The following PDCD4 variants were observed in gnomAD, a reference collection of about 807,000 sequenced individuals.
PDCD4 encodes programmed cell death protein 4.
Under a neutral mutation model 54.0 loss-of-function variants are expected in PDCD4, and 56 were observed. The ratio of observed to expected loss-of-function variants is 1.04; its 90% CI spans 0.84 to 1.30. The LOEUF (loss-of-function observed/expected upper bound fraction) is 1.30, where lower values mean the gene tolerates loss of function less well. PDCD4 is among the 50% of genes most tolerant of loss of function. The pLI, the probability that PDCD4 is intolerant of heterozygous loss-of-function variation, is 0.00. For synonymous variants in PDCD4, 186 were observed against 194.8 expected (o/e 0.95, Z 0.37); for missense variants, 584 against 559.8 (o/e 1.04, Z -0.44).
In PDCD4 at chr10:110,887,852, C is replaced by T. The variant is rs777743234; in HGVS notation, c.743C>T (p.Pro248Leu). 11 of 1,612,684 alleles carry T rather than the reference C, an allele frequency of 6.8e-6. No individual in the cohort carries two copies. In the South Asian group the frequency reaches 1.2e-4, roughly 18 times the overall value. ...KSFDKLLKDLPELALDTPRAP... is the reference protein window; with the variant it reads ...KSFDKLLKDLLELALDTPRAP... ...TTTGATAAATTGTTGAAAGATCTAC[C>T]TGAATTAGCACTGGATACTCCTAGA... The change falls in exon 6 of 12, where the codon CCT (proline) becomes CTT (leucine). Residue 248 changes from proline to leucine, a missense_variant. Transcript: ENST00000280154.
chr10:110,888,848 A>G (rs1043856046), intron 6 of PDCD4, among the ~76,000 whole-genome samples: 4 of 152,232 alleles, frequency 2.6e-5, no homozygotes, highest in African/African-American at 7.2e-5. Context: ...CATACTTTCA[A>G]CTATTTCTAT....
intron 7 of PDCD4, 35 bp downstream of exon 7, chr10:110,889,665 A>G: frequency 8.7e-7 from 1 of 1,153,072 alleles, no homozygotes; most frequent in Non-Finnish European, 1.3e-6. Flanking sequence ...AGAATTTCAA[A>G]ATAGGGGAAA....
At position 110,887,905 on chromosome 10, in the gene PDCD4, T is replaced by G; in HGVS notation, c.777+19T>G. ...ACCACAGGTTTGTATGATTCTTCTT[T>G]TTGTTCATTCCCTCCCACTACTATA... is the stretch of plus-strand genomic sequence containing the variant. On this transcript the variant is annotated intron_variant, in intron 6 of 11. Coordinates refer to ENST00000280154, the MANE Select transcript of PDCD4 (RefSeq NM_014456.5). 6.7e-7 allele frequency: 1 copy of G among 1,487,698 alleles called. No individual in the cohort carries two copies. Among genetic ancestry groups the G allele is most frequent in the Non-Finnish European group, 9.4e-7 (1 of 1,066,130 alleles). 92.2% of individuals were successfully genotyped at this position (1,487,698 alleles called of 1,614,324 possible).
At position 110,896,091 on chromosome 10, in the gene PDCD4, C is replaced by CT. The variant is rs1471832149; in HGVS notation, c.1349+7dup. 1 of 1,585,160 alleles carries CT rather than the reference C, an allele frequency of 6.3e-7. No individual in the cohort carries two copies. The highest frequency in any genetic ancestry group is 8.6e-7 in the Non-Finnish European group (1 of 1,166,396). The stretch of plus-strand genomic sequence containing the variant: ...TCAGAGATCTTTGTCCTTCAAGGTA[C>CT]TTTATTTAAATACTACTTTCTCAAT... On this transcript the variant is annotated splice_donor_region_variant and intron_variant, in intron 11 of 11. Coordinates refer to ENST00000280154, the MANE Select transcript of PDCD4 (RefSeq NM_014456.5).
intron 2 of PDCD4, among the ~76,000 whole-genome samples, chr10:110,880,156 ACT>A (rs1480767348): frequency 6.6e-6 from 1 of 152,168 alleles, no homozygotes; most frequent in African/African-American, 2.4e-5. Flanking sequence ...TATGAAGGAC[ACT>A]CTGCTAGGTG....
At chr10:110,880,365 A>G (rs971381728) in intron 2 of PDCD4, 1 of 152,264 alleles carries the variant, frequency 6.6e-6, no homozygotes, top group Admixed American at 6.5e-5. Context: ...GACTTGGGCT[A>G]TATCCTAAAG....
At chr10:110,879,475 G>A (rs1440076760) in intron 2 of PDCD4, among the ~76,000 whole-genome samples, 1 of 152,042 alleles carries the variant, frequency 6.6e-6, no homozygotes, top group East Asian at 1.9e-4. Context: ...GACCATCCTG[G>A]CTAACACGGT....
intron 10 of PDCD4, 42 bp downstream of exon 10, chr10:110,894,564 C>T (rs760046668): frequency 2.9e-5 from 25 of 871,736 alleles, no homozygotes; most frequent in Non-Finnish European, 3.8e-5. Flanking sequence ...AGGATTATGT[C>T]TTAAATATAT....
chr10:110,892,542 A>T (rs139367959), intron 8 of PDCD4, among the ~76,000 whole-genome samples: 18 of 152,332 alleles, frequency 1.2e-4, no homozygotes, highest in Non-Finnish European at 2.4e-4. Flanking sequence ...AAAGTTATGT[A>T]ACAAATGTTA....
Position 110,894,477 on chromosome 10 carries a change from G to C in PDCD4, c.1164G>C (p.Lys388Asn), listed in dbSNP as rs755013174. Residue 388 changes from lysine to asparagine, a missense_variant, in exon 10 of 12, where the codon AAG (lysine) becomes AAC (asparagine). Transcript: ENST00000280154. ...STFKMILDLL[K>N]SLWKSSTITV... ...TTAAGATGATTTTGGATTTATTAAA[G>C]TCCCTTTGGAAGTCTTCTACCATTA... 14 of 1,572,268 alleles carry C rather than the reference G, an allele frequency of 8.9e-6. No homozygotes were observed. The highest frequency in any genetic ancestry group is 1.2e-5 in the Non-Finnish European group (14 of 1,143,784).
In PDCD4 at chr10:110,890,567, A is replaced by G. The variant is rs746014894; in HGVS notation, c.887A>G (p.Asp296Gly). 3.7e-6 allele frequency: 6 copies of G among 1,610,512 alleles called. No homozygotes were observed. The African/African-American group carries it at 4.0e-5, about 11-fold the overall frequency. Residue 296 changes from aspartate (D) to glycine (G), a missense_variant, in exon 8 of 12, where the codon GAT (aspartate) becomes GGT (glycine). Asp to Gly is a moderately conservative substitution (Grantham distance 94, BLOSUM62 -1). Coordinates refer to ENST00000280154, the MANE Select transcript of PDCD4 (RefSeq NM_014456.5). Reference protein sequence around the residue: ...VDCVQARAALDKATVLLSMSK... With the variant: ...VDCVQARAALGKATVLLSMSK... Reference sequence around the variant, plus strand: ...TTCTTTCTCTGTAGAGCTGCTCTGGATAAGGCTACCGTGCTTCTGAGTATG... The same window carrying G: ...TTCTTTCTCTGTAGAGCTGCTCTGGGTAAGGCTACCGTGCTTCTGAGTATG...
At chr10:110,872,520 CCGGCCT>C (rs530771251) in intron 1 of PDCD4, among the ~76,000 whole-genome samples, 81 of 152,308 alleles carry the variant, frequency 5.3e-4, no homozygotes, top group African/African-American at 1.9e-3. Flanking sequence ...ACCCGGAGCC[CCGGCCT>C]CGGCCCCGGC....
intron 2 of PDCD4, among the ~76,000 whole-genome samples, chr10:110,876,976 C>G (rs1845515053): frequency 6.6e-6 from 1 of 152,110 alleles, no homozygotes; most frequent in South Asian, 2.1e-4. Context: ...AGTGACTTAA[C>G]TCACTATTGT....
chr10:110,873,048 T>C (rs771306345), intron 1 of PDCD4, among the ~76,000 whole-genome samples: 2 of 152,228 alleles, frequency 1.3e-5, no homozygotes, highest in Non-Finnish European at 1.5e-5. Context: ...ACAATCTTGA[T>C]ATTCTTAACG....
Position 110,894,515 on chromosome 10 carries a change from T to A in PDCD4, c.1202T>A (p.Met401Lys), listed in dbSNP as rs201057391. 288 of 1,326,146 alleles carry A rather than the reference T, an allele frequency of 2.2e-4. No individual in the cohort carries two copies. The highest frequency in any genetic ancestry group is 2.9e-4 in the Non-Finnish European group (272 of 924,198). 82.1% of individuals were successfully genotyped at this position (1,326,146 alleles called of 1,614,324 possible). A position where few individuals can be genotyped will look rare whatever the true frequency, so the allele number is the denominator to read the frequency against. The change falls in exon 10 of 12, where the codon ATG becomes AAG. Residue 401 changes from methionine (M) to lysine (K), a missense_variant. Met to Lys is a moderately conservative substitution (Grantham distance 95). Coordinates refer to ENST00000280154, the MANE Select transcript of PDCD4 (RefSeq NM_014456.5). ...TCTTCTACCATTACTGTAGACCAAA[T>A]GAAAAGAGTAAGTATAACATTGTTT... is the stretch of plus-strand genomic sequence containing the variant. ...WKSSTITVDQ[M>K]KRGYERIYNE...
intron 1 of PDCD4, among the ~76,000 whole-genome samples, chr10:110,874,160 T>C (rs11195360): frequency 0.56 from 84,541 of 152,058 alleles, 26,107 homozygotes; most frequent in Non-Finnish European, 0.7. Flanking sequence ...TGAATCTGTT[T>C]AGTTGTGTGT....
rs558582315 is a variant in PDCD4, at chr10:110,887,478, C to T, written c.556-187C>T. 6.6e-5 allele frequency among the ~76,000 whole-genome samples: 10 copies of T among 152,262 alleles called. No homozygotes were observed. In the South Asian group the frequency reaches 1.9e-3, roughly 28 times the overall value. On this transcript the variant is annotated intron_variant, in intron 5 of 11. Transcript: ENST00000280154. The stretch of plus-strand genomic sequence containing the variant: ...AAAGCTTGACAAAGTGGATCAATGT[C>T]TGATTTATGCACAGGGAAAGGTGTG...
intron 3 of PDCD4, among the ~76,000 whole-genome samples, chr10:110,882,520 G>A (rs899660053): frequency 6.6e-6 from 1 of 152,138 alleles, no homozygotes; most frequent in African/African-American, 2.4e-5. Flanking sequence ...ATGGTTTAAT[G>A]TGTACTTTAA....
At position 110,898,158 on chromosome 10, in the gene PDCD4, G is replaced by GTTTT. The variant is rs5787876; in HGVS notation, c.*87_*90dup. 1.1e-4 allele frequency: 42 copies of GTTTT among 385,464 alleles called. No homozygotes were observed. The highest frequency in any genetic ancestry group is 4.2e-4 in the East Asian group (9 of 21,590). 23.9% of individuals were successfully genotyped at this position (385,464 alleles called of 1,614,324 possible). On this transcript the variant is annotated 3_prime_UTR_variant, in exon 12 of 12. Coordinates refer to ENST00000280154, the MANE Select transcript of PDCD4 (RefSeq NM_014456.5). ...TGAATTGTAAGAGTTGTTAGCACAA[G>GTTTT]TTTTTTTTTTTTTTTTTTTTAAGCA...
Sources: allele counts gnomAD v4.1 joint callset (sites outside exome capture counted in the v4.1 genomes callset), GRCh38; gene constraint gnomAD v4.1.1; transcripts MANE v1.5; gene names NCBI Gene and HGNC (gene_info 2026-07-23, HGNC 2026-07-21).